GOLGA3: variants seen among roughly 807,000 people sequenced by gnomAD.
The protein encoded by GOLGA3 is golgin subfamily A member 3.
GOLGA3 carries 75 observed loss-of-function variants against 169.4 expected under a neutral mutation model. The observed-to-expected ratio is 0.44, with a 90% CI of 0.37 to 0.54. GOLGA3 has a LOEUF of 0.54. GOLGA3 is among the 20% of genes least tolerant of loss of function. The pLI, the probability that GOLGA3 is intolerant of heterozygous loss-of-function variation, is 0.00. For missense variants in GOLGA3, 1,899 were observed against 1,930.0 expected (o/e 0.98, Z 0.30); for synonymous variants, 824 against 822.4 (o/e 1.00, Z -0.03).
chr12:132,808,095 G>A lies in GOLGA3; in HGVS notation c.974C>T (p.Thr325Ile), dbSNP rs1193261668. Reference sequence around the variant, plus strand: ...CGACAGAATGCCATAGGTCCCTCGGGTGGAGGCGCTGCTGTACGATGAGCT... The same window carrying A: ...CGACAGAATGCCATAGGTCCCTCGGATGGAGGCGCTGCTGTACGATGAGCT... Reference protein sequence around the residue: ...SDSSSYSSASTRGTYGILSKT... With the variant: ...SDSSSYSSASIRGTYGILSKT... The change falls in exon 5 of 24, where the codon ACC (threonine) becomes ATC (isoleucine). Residue 325 changes from threonine to isoleucine, a missense_variant. By Grantham distance (89) the Thr-to-Ile change is moderately conservative. Transcript: ENST00000450791. 9 of 1,598,096 alleles carry A rather than the reference G, an allele frequency of 5.6e-6. No homozygotes were observed. Among genetic ancestry groups the A allele is most frequent in the South Asian group, 1.1e-5 (1 of 88,820 alleles).
intron 8 of GOLGA3, among the ~76,000 whole-genome samples, 182 bp downstream of exon 8, chr12:132,801,585 G>A (rs763985474): frequency 6.6e-6 from 1 of 152,190 alleles, no homozygotes; most frequent in Non-Finnish European, 1.5e-5. Context: ...GGTTGGGGGG[G>A]GGCCCACGGG....
intron 3 of GOLGA3, among the ~76,000 whole-genome samples, chr12:132,815,006 G>C (rs1412509420): frequency 6.6e-6 from 1 of 152,178 alleles, no homozygotes; most frequent in Non-Finnish European, 1.5e-5. Context: ...TAATCACACA[G>C]CAACGCTTTA....
At chr12:132,789,491 TGA>T (rs1030899215) in intron 12 of GOLGA3, among the ~76,000 whole-genome samples, 3 of 152,236 alleles carry the variant, frequency 2.0e-5, no homozygotes, top group Non-Finnish European at 4.4e-5. Context: ...CACTGCCTGT[TGA>T]GAGACTGCGT....
chr12:132,783,868 C>T (rs2045752606), intron 16 of GOLGA3: 4 of 1,422,158 alleles, frequency 2.8e-6, no homozygotes, highest in Middle Eastern at 2.6e-4. Flanking sequence ...GAGCCACTCG[C>T]CTGGCGAAGT....
At chr12:132,809,645 T>TGTC (rs1368262588) in intron 4 of GOLGA3, among the ~76,000 whole-genome samples, 1 of 152,208 alleles carries the variant, frequency 6.6e-6, no homozygotes, top group Non-Finnish European at 1.5e-5. Flanking sequence ...CACCTCACTA[T>TGTC]GTCCCCTCAG....
chr12:132,818,230 T>C lies in GOLGA3; in HGVS notation c.134-1418A>G, dbSNP rs111811737. Among the ~76,000 whole-genome samples, 249 of 152,312 alleles carry C rather than the reference T, an allele frequency of 1.6e-3. 2 individuals are homozygous for C. Among genetic ancestry groups the C allele is most frequent in the African/African-American group, 5.7e-3 (237 of 41,574 alleles). On this transcript the variant is annotated intron_variant, in intron 2 of 23. Coordinates refer to ENST00000450791, the MANE Select transcript of GOLGA3 (RefSeq NM_001389683.1). The stretch of plus-strand genomic sequence containing the variant: ...CCCTCCACACCTCCACACTCTTGGC[T>C]GTAGAATTTATGTAGTAACGACAGT...
Position 132,816,676 on chromosome 12 carries a change from G to A in GOLGA3, c.270C>T (p.Gly90=), listed in dbSNP as rs1460164565. ...SSLDPTTSPV[G]PDASPGVAGF... is the part of the protein sequence containing the mutation. The stretch of plus-strand genomic sequence containing the variant: ...CAGCCACACCTGGAGAGGCATCAGG[G>A]CCCACTGGGCTTGTGGTGGGATCGA... The change falls in exon 3 of 24, where the codon GGC becomes GGT. Residue 90 remains glycine, a synonymous_variant. Coordinates refer to ENST00000450791, the MANE Select transcript of GOLGA3 (RefSeq NM_001389683.1). 1 of 1,614,060 alleles carries A rather than the reference G, an allele frequency of 6.2e-7. No homozygotes were observed. Among genetic ancestry groups the A allele is most frequent in the African/African-American group, 1.3e-5 (1 of 74,932 alleles).
At chr12:132,824,796 A>C (rs943385776) in intron 1 of GOLGA3, among the ~76,000 whole-genome samples, 1 of 152,152 alleles carries the variant, frequency 6.6e-6, no homozygotes, top group African/African-American at 2.4e-5. Flanking sequence ...GTCCTTACAC[A>C]CAGCACAGAA....
chr12:132,793,873 G>A (rs990599390), intron 11 of GOLGA3, among the ~76,000 whole-genome samples: 8 of 152,288 alleles, frequency 5.3e-5, no homozygotes, highest in African/African-American at 7.2e-5. Context: ...CACATGGGGC[G>A]GCCGACTCCA....
chr12:132,790,361 G>T (rs925981954), intron 12 of GOLGA3, among the ~76,000 whole-genome samples: 1 of 152,046 alleles, frequency 6.6e-6, no homozygotes, highest in Non-Finnish European at 1.5e-5. Context: ...AAATACAGCA[G>T]CGCTCACAAC....
chr12:132,816,499 C>T (rs193261674), intron 3 of GOLGA3, 41 bp downstream of exon 3: 2 of 1,594,856 alleles, frequency 1.3e-6, no homozygotes, highest in Admixed American at 1.7e-5. Flanking sequence ...CTGAGCGACG[C>T]GGACGTGGAG....
Position 132,804,886 on chromosome 12 carries a change from G to A in GOLGA3, c.1427C>T (p.Ser476Leu), listed in dbSNP as rs749078452. The A allele has an allele frequency of 6.8e-6, 11 of 1,614,062 alleles. No individual in the cohort carries two copies. Among genetic ancestry groups the A allele is most frequent in the South Asian group, 5.5e-5 (5 of 91,068 alleles). Reference protein sequence around the residue: ...LSSEVDTLKQSCWDLERAMTD... With the variant: ...LSSEVDTLKQLCWDLERAMTD... ...CATGGCTCGCTCCAGGTCCCAGCAC[G>A]ACTGCTTCAGGGTGTCCACCTCCGA... The change falls in exon 7 of 24, where the codon TCG becomes TTG. Residue 476 changes from serine (S) to leucine (L), a missense_variant. By Grantham distance (145) the Ser-to-Leu change is moderately radical. Coordinates refer to ENST00000450791, the MANE Select transcript of GOLGA3 (RefSeq NM_001389683.1). The surrounding 1 kb of genome is among the most constrained non-coding windows in gnomAD (Gnocchi z 4.1).
chr12:132,808,758 A>G (rs1949553029), intron 4 of GOLGA3, among the ~76,000 whole-genome samples: 1 of 152,194 alleles, frequency 6.6e-6, no homozygotes, highest in African/African-American at 2.4e-5. Context: ...AGTGACCAGC[A>G]TGACCACCTC....
chr12:132,826,084 G>A (rs1950402600), intron 1 of GOLGA3: 1 of 1,447,902 alleles, frequency 6.9e-7, no homozygotes, highest in African/African-American at 1.4e-5. Context: ...TCGTCACAGT[G>A]GGCGAGTGCC....
rs1289493126 is a variant in GOLGA3 at position 132,794,329 on chromosome 12, T to C, written c.2469+1523A>G. Among the ~76,000 whole-genome samples the C allele has an allele frequency of 3.5e-5, 5 of 143,122 alleles. No individual in the cohort carries two copies. The East Asian group carries it at 1.0e-3, about 29-fold the overall frequency. 93.9% of individuals were successfully genotyped at this position (143,122 alleles called of 152,430 possible). ...GGGCAACATGGCAAAACCCCGTATC[T>C]ATTTAAAAAAAAAAAAAAAAAAAAA... On this transcript the variant is annotated intron_variant, in intron 11 of 23. Transcript: ENST00000450791.
chr12:132,775,363 A>G, intron 21 of GOLGA3, 58 bp from the exon 22 acceptor site: 1 of 1,472,826 alleles, frequency 6.8e-7, no homozygotes, highest in Non-Finnish European at 9.3e-7. Context: ...TCCTGCCAAG[A>G]TCCGAGTTTG....
chr12:132,776,648 G>A lies in GOLGA3; in HGVS notation c.3964C>T (p.Gln1322Ter). Residue 1322 changes from glutamine to a stop codon, truncating the protein, a stop_gained, in exon 21 of 24, where the codon CAG becomes TAG. Transcript: ENST00000450791. LOFTEE classifies it high-confidence loss of function. Reference sequence around the variant, plus strand: ...CACACAGGTACCTGCAGCAGCTGCTGTAGCCCTTCCAGTTCCTTCCTGCCC... The same window carrying A: ...CACACAGGTACCTGCAGCAGCTGCTATAGCCCTTCCAGTTCCTTCCTGCCC... The part of the protein sequence containing the change: ...QQGRKELEGL[Q>*]QLLQNVKSEL... The A allele has an allele frequency of 1.9e-6, 3 of 1,611,940 alleles. No individual in the cohort carries two copies. Among genetic ancestry groups the A allele is most frequent in the Non-Finnish European group, 2.5e-6 (3 of 1,178,956 alleles).
chr12:132,807,383 C>G, intron 5 of GOLGA3, 95 bp from the exon 6 acceptor site: 1 of 623,326 alleles, frequency 1.6e-6, no homozygotes, highest in South Asian at 2.5e-5. Context: ...CCCTGCTGCT[C>G]TCTCCCAATT....
At chr12:132,821,176 G>A (rs371161520) in intron 2 of GOLGA3, among the ~76,000 whole-genome samples, 1 of 150,186 alleles carries the variant, frequency 6.7e-6, no homozygotes, top group East Asian at 2.0e-4. Flanking sequence ...GGATGCCAAG[G>A]TGGGCGGATC....
Sources: allele counts gnomAD v4.1 joint callset (sites outside exome capture counted in the v4.1 genomes callset), GRCh38; gene constraint gnomAD v4.1.1; non-coding constraint Gnocchi (gnomAD v3.1); transcripts MANE v1.5; gene names NCBI Gene and HGNC (gene_info 2026-07-23, HGNC 2026-07-21).